SUSD5: variants seen among roughly 807,000 people sequenced by gnomAD.
SUSD5 encodes the protein sushi domain containing 5.
Under a neutral mutation model 29.5 loss-of-function variants are expected in SUSD5, and 33 were observed. The ratio of observed to expected loss-of-function variants is 1.12; its 90% CI spans 0.85 to 1.49. SUSD5 has a LOEUF of 1.49. SUSD5 is among the 40% of genes most tolerant of loss of function. The probability of loss-of-function intolerance (pLI) is 0.00; values close to 1 mark genes in which losing one functional copy is unlikely to be tolerated. For synonymous variants in SUSD5, 308 were observed against 325.3 expected, an observed-to-expected ratio of 0.95 and a Z score of 0.57; for missense variants, 776 against 800.6, an observed-to-expected ratio of 0.97 and a Z score of 0.37.
chr3:33,161,230 A>G (rs934153397), intron 4 of SUSD5, among the ~76,000 whole-genome samples: 2 of 152,336 alleles, frequency 1.3e-5, no homozygotes, highest in South Asian at 2.1e-4. Flanking sequence ...ACAATAGCAT[A>G]GAAGCTGGGA....
chr3:33,171,768 C>T (rs2031432396), intron 4 of SUSD5, among the ~76,000 whole-genome samples: 1 of 152,198 alleles, frequency 6.6e-6, no homozygotes, highest in South Asian at 2.1e-4. Context: ...GTGAAGCCAA[C>T]GCATACATGT....
intron 3 of SUSD5, 44 bp downstream of exon 3, chr3:33,207,764 A>G: frequency 2.2e-6 from 3 of 1,375,072 alleles, no homozygotes; most frequent in Non-Finnish European, 3.0e-6. Flanking sequence ...AGCAATCCCC[A>G]AGAGCACACC....
intron 3 of SUSD5, among the ~76,000 whole-genome samples, chr3:33,205,968 G>A (rs1027408617): frequency 2.0e-5 from 3 of 152,208 alleles, no homozygotes; most frequent in Admixed American, 2.0e-4. Context: ...AGACTCAGAA[G>A]CCCTACATTA....
chr3:33,159,641 C>T (rs2031133146), intron 4 of SUSD5, among the ~76,000 whole-genome samples: 1 of 152,036 alleles, frequency 6.6e-6, no homozygotes, highest in South Asian at 2.1e-4. Flanking sequence ...CCAGTTGAAA[C>T]TGTATCGTAT....
chr3:33,214,837 C>G (rs1227523831), intron 1 of SUSD5, among the ~76,000 whole-genome samples: 1 of 152,070 alleles, frequency 6.6e-6, no homozygotes, highest in Non-Finnish European at 1.5e-5. Context: ...TCCCCAGGAG[C>G]CTCCTGGAGG....
intron 4 of SUSD5, among the ~76,000 whole-genome samples, chr3:33,172,085 G>C (rs2031438017): frequency 6.6e-6 from 1 of 152,000 alleles, no homozygotes; most frequent in Non-Finnish European, 1.5e-5. Context: ...TCCAAACCCA[G>C]ATGGATCCAA....
intron 4 of SUSD5, among the ~76,000 whole-genome samples, chr3:33,164,979 C>T (rs953798515): frequency 2.1e-5 from 3 of 145,606 alleles, no homozygotes; most frequent in Admixed American, 2.0e-4. Flanking sequence ...AACACACACA[C>T]ACACACACAC....
intron 3 of SUSD5, among the ~76,000 whole-genome samples, chr3:33,175,687 A>C (rs2031537624): frequency 6.6e-6 from 1 of 152,128 alleles, no homozygotes; most frequent in Admixed American, 6.5e-5. Context: ...GCTTTTAAAA[A>C]ATTGATTATT....
intron 3 of SUSD5, among the ~76,000 whole-genome samples, chr3:33,193,882 C>G (rs2031945063): frequency 6.6e-6 from 1 of 151,998 alleles, no homozygotes; most frequent in African/African-American, 2.4e-5. Flanking sequence ...CTGAAACAAA[C>G]CCCCCCACCA....
At chr3:33,191,041 T>C in intron 3 of SUSD5, among the ~76,000 whole-genome samples, 1 of 152,188 alleles carries the variant, frequency 6.6e-6, no homozygotes, top group East Asian at 1.9e-4. Context: ...ACCCTCTTCA[T>C]AGAGTATATA....
rs537133322 is a variant in SUSD5 at position 33,209,080 on chromosome 3, G to A, written c.291-1154C>T. Reference sequence around the variant, plus strand: ...TTATTATTGGGAGATATTTTTCACTGAGGATAAAATTCTAGGTTAGCAGTA... The same window carrying A: ...TTATTATTGGGAGATATTTTTCACTAAGGATAAAATTCTAGGTTAGCAGTA... On this transcript the variant is annotated intron_variant, in intron 2 of 4. Transcript: ENST00000309558. 7.2e-5 allele frequency among the ~76,000 whole-genome samples: 11 copies of A among 152,272 alleles called. No individual in the cohort carries two copies. In the South Asian group the frequency reaches 1.2e-3, roughly 17 times the overall value.
intron 3 of SUSD5, among the ~76,000 whole-genome samples, chr3:33,183,010 T>C (rs1279599692): frequency 6.6e-6 from 1 of 152,032 alleles, no homozygotes; most frequent in African/African-American, 2.4e-5. Flanking sequence ...TTAGCCAGGA[T>C]GGTCTCGATC....
intron 3 of SUSD5, among the ~76,000 whole-genome samples, chr3:33,183,746 C>A (rs1022393605): frequency 7.2e-5 from 11 of 151,882 alleles, no homozygotes; most frequent in African/African-American, 2.7e-4. Context: ...TTCCCTGCTC[C>A]CTAAAGAACT....
chr3:33,214,012 GC>G lies in SUSD5; in HGVS notation c.205del (p.Ala69HisfsTer23). 1.2e-6 allele frequency: 2 copies of G among 1,613,836 alleles called. No individual in the cohort carries two copies. Among genetic ancestry groups the G allele is most frequent in the Non-Finnish European group, 1.7e-6 (2 of 1,179,824 alleles). On this transcript the variant is annotated frameshift_variant, in exon 2 of 5. Coordinates refer to ENST00000309558, the MANE Select transcript of SUSD5 (RefSeq NM_015551.2). LOFTEE classifies it high-confidence loss of function. ...CACTCTCCGCAGCTCGTCTGCAGAT[GC>G]CAGGTGAGCGCCCCTGCTCTTGCAG... ...LSCKSRGAHLASADELRRVVQ... is the reference protein window; with the variant it reads ...LSCKSRGAHLXSADELRRVVQ...
intron 4 of SUSD5, among the ~76,000 whole-genome samples, chr3:33,159,327 G>A (rs2031124841): frequency 6.6e-6 from 1 of 152,216 alleles, no homozygotes; most frequent in African/African-American, 2.4e-5. Flanking sequence ...AAGTGTGACT[G>A]TAGGGATACT....
rs999066414 is a variant in SUSD5 at position 33,192,251 on chromosome 3, T to C, written c.409+15557A>G. 1.6e-3 allele frequency among the ~76,000 whole-genome samples: 202 copies of C among 130,178 alleles called. 2 individuals carry two copies. The highest frequency in any genetic ancestry group is 4.3e-3 in the African/African-American group (149 of 34,832). The allele number at this position is 130,178 out of a possible 152,430, so 85.4% of individuals were successfully genotyped here. A position where few individuals can be genotyped will look rare whatever the true frequency, so the allele number is the denominator to read the frequency against. ...ACCACATCCAGCTAATTTTTTTTCT[T>C]TTTTTTTTTTTTGTATTTTTAGTAG... is the stretch of plus-strand genomic sequence containing the variant. On this transcript the variant is annotated intron_variant, in intron 3 of 4. Transcript: ENST00000309558.
intron 3 of SUSD5, among the ~76,000 whole-genome samples, chr3:33,200,218 G>C (rs1381795221): frequency 6.6e-6 from 1 of 152,170 alleles, no homozygotes; most frequent in Non-Finnish European, 1.5e-5. Flanking sequence ...ATTGGGAACT[G>C]GGTCCTCACA....
chr3:33,218,740 AG>A lies in SUSD5; in HGVS notation c.57del (p.Trp20GlyfsTer72). ...PARWHRRLPG[L>X]WAAALLLLGL... ...CCGAGCAGGAGCAGCGCCGCCGCCC[AG>A]AGCCCGGGGAGGCGTCTGTGCCAAC... On this transcript the variant is annotated frameshift_variant, in exon 1 of 5. Transcript: ENST00000309558. LOFTEE classifies it high-confidence loss of function. The A allele has an allele frequency of 7.3e-7, 1 of 1,369,490 alleles. No homozygotes were observed. Among genetic ancestry groups the A allele is most frequent in the South Asian group, 1.7e-5 (1 of 57,930 alleles). The allele number at this position is 1,369,490 out of a possible 1,614,324, so 84.8% of individuals were successfully genotyped here. A position where few individuals can be genotyped will look rare whatever the true frequency, so the allele number is the denominator to read the frequency against.
Position 33,153,185 on chromosome 3 carries a change from T to G in SUSD5, c.1447A>C (p.Met483Leu). The G allele has an allele frequency of 6.2e-7, 1 of 1,613,888 alleles. No individual in the cohort carries two copies. Among genetic ancestry groups the G allele is most frequent in the African/African-American group, 1.3e-5 (1 of 75,024 alleles). The change falls in exon 5 of 5, where the codon ATG becomes CTG. Residue 483 changes from methionine to leucine, a missense_variant. Coordinates refer to ENST00000309558, the MANE Select transcript of SUSD5 (RefSeq NM_015551.2). ...PWRFITEESP[M>L]ATLSYELTSS... ...GTGAGCTCATAGGACAGGGTGGCCA[T>G]GGGAGATTCCTCTGTGATGAATCTC...
Sources: allele counts gnomAD v4.1 joint callset (sites outside exome capture counted in the v4.1 genomes callset), GRCh38; gene constraint gnomAD v4.1.1; transcripts MANE v1.5; gene names NCBI Gene and HGNC (gene_info 2026-07-23, HGNC 2026-07-21).